The following CELF4 variants were observed in gnomAD, a reference collection of about 807,000 sequenced individuals.
CELF4 encodes CUGBP Elav-like family member 4, also known as CUG-BP- and ETR-3-like factor 4.
A neutral mutation model predicts 59.9 loss-of-function variants in CELF4; 18 were observed. The ratio of observed to expected loss-of-function variants is 0.30; its 90% CI spans 0.21 to 0.45. CELF4 has a LOEUF of 0.45. Among genes scored for constraint, CELF4 ranks in the 20% least tolerant of loss-of-function variants. CELF4 has a pLI of 1.00. For missense variants in CELF4, 456 were observed against 689.0 expected, an observed-to-expected ratio of 0.66 and a Z score of 3.79; for synonymous variants, 261 against 267.1, an observed-to-expected ratio of 0.98 and a Z score of 0.22.
chr18:37,291,357 T>A (rs757105418), intron 3 of CELF4, among the ~76,000 whole-genome samples: 11 of 152,194 alleles, frequency 7.2e-5, no homozygotes, highest in Non-Finnish European at 1.3e-4. Context: ...CTGTAACCCA[T>A]GTACTCAAGA....
At chr18:37,270,235 G>A (rs1451762418) in intron 8 of CELF4, among the ~76,000 whole-genome samples, 2 of 152,228 alleles carry the variant, frequency 1.3e-5, no homozygotes, top group East Asian at 3.8e-4. Flanking sequence ...GCTGTCTGTG[G>A]TGCTGACCTG....
At chr18:37,484,273 G>T (rs1439237714) in intron 2 of CELF4, among the ~76,000 whole-genome samples, 2 of 152,136 alleles carry the variant, frequency 1.3e-5, no homozygotes, top group African/African-American at 4.8e-5. Flanking sequence ...ATGGCTTTAT[G>T]CTTCACACAT....
At chr18:37,546,013 T>A (rs1457874580) in intron 1 of CELF4, among the ~76,000 whole-genome samples, 1 of 152,116 alleles carries the variant, frequency 6.6e-6, no homozygotes, top group East Asian at 1.9e-4. Context: ...TCTCCCCACA[T>A]ACTTTTCCCA....
At chr18:37,504,066 C>T (rs141285810) in intron 1 of CELF4, among the ~76,000 whole-genome samples, 489 of 152,274 alleles carry the variant, frequency 3.2e-3, no homozygotes, top group African/African-American at 0.011. Flanking sequence ...AAATCATGAA[C>T]GTGGGTTTTA....
In CELF4 at chr18:37,562,739, G is replaced by A. The variant is rs558195045; in HGVS notation, c.286+2617C>T. On this transcript the variant is annotated intron_variant, in intron 1 of 12. Transcript: ENST00000420428. ...AAATCAGGCTCCATCACCGAAGAAG[G>A]AGTTTAAACTCTTCTAGGACTGAAT... 1.2e-3 allele frequency among the ~76,000 whole-genome samples: 184 copies of A among 152,198 alleles called. 1 individual carries two copies. The highest frequency in any genetic ancestry group is 2.1e-3 in the Non-Finnish European group (141 of 68,042).
intron 2 of CELF4, among the ~76,000 whole-genome samples, chr18:37,365,154 G>A (rs1470014147): frequency 2.6e-5 from 4 of 152,058 alleles, no homozygotes; most frequent in Non-Finnish European, 5.9e-5. Context: ...GGGAGAGGAA[G>A]AGTAAGGCTA....
chr18:37,443,746 G>A (rs1420561267), intron 2 of CELF4, among the ~76,000 whole-genome samples: 6 of 152,106 alleles, frequency 3.9e-5, no homozygotes, highest in African/African-American at 1.2e-4. Flanking sequence ...GCTGGGGGTG[G>A]TCACTGACAT....
chr18:37,388,600 A>G (rs2099124344), intron 2 of CELF4, among the ~76,000 whole-genome samples: 1 of 152,126 alleles, frequency 6.6e-6, no homozygotes, highest in South Asian at 2.1e-4. Flanking sequence ...AGCTCAAGAC[A>G]GCAGCAAACA....
At chr18:37,565,090 C>T (rs1372013925) in intron 1 of CELF4, among the ~76,000 whole-genome samples, 1 of 151,978 alleles carries the variant, frequency 6.6e-6, no homozygotes, top group Non-Finnish European at 1.5e-5. Context: ...TCTCCTCGAT[C>T]CCCTCTCTCT....
chr18:37,379,507 C>CAAA (rs56250210), intron 2 of CELF4, among the ~76,000 whole-genome samples: 2,775 of 45,534 alleles, frequency 0.061, 277 homozygotes, highest in African/African-American at 0.095. Context: ...AGGCCATAAG[C>CAAA]AAAAAAAAAA....
intron 1 of CELF4, among the ~76,000 whole-genome samples, chr18:37,503,699 TCA>T (rs1305831540): frequency 6.6e-6 from 1 of 152,208 alleles, no homozygotes; most frequent in East Asian, 1.9e-4. Flanking sequence ...TCTCTGGGTC[TCA>T]GTTTTCCCTT....
intron 2 of CELF4, among the ~76,000 whole-genome samples, chr18:37,340,237 C>T (rs1397663635): frequency 2.0e-5 from 3 of 152,240 alleles, no homozygotes; most frequent in African/African-American, 7.2e-5. Context: ...CTCAGAAATG[C>T]CACGTTAAGT....
At chr18:37,344,742 G>A (rs896289709) in intron 2 of CELF4, among the ~76,000 whole-genome samples, 32 of 152,328 alleles carry the variant, frequency 2.1e-4, no homozygotes, top group African/African-American at 7.5e-4. Flanking sequence ...GCATGCAGAC[G>A]CTCGTGAACC....
At chr18:37,447,105 A>G (rs868781482) in intron 2 of CELF4, among the ~76,000 whole-genome samples, 1 of 152,246 alleles carries the variant, frequency 6.6e-6, no homozygotes, top group Non-Finnish European at 1.5e-5. Context: ...AAAGAAAAAA[A>G]AAATAATCCG....
intron 10 of CELF4, among the ~76,000 whole-genome samples, chr18:37,261,645 C>T (rs1356297494): frequency 6.6e-6 from 1 of 152,250 alleles, no homozygotes; most frequent in Non-Finnish European, 1.5e-5. Flanking sequence ...CAATGTGGTC[C>T]AGCCCAGCCT....
chr18:37,500,753 C>T (rs2099930832), intron 1 of CELF4, among the ~76,000 whole-genome samples: 1 of 152,052 alleles, frequency 6.6e-6, no homozygotes, highest in Non-Finnish European at 1.5e-5. Context: ...CCAGGATGGT[C>T]TTGATCTGCT....
intron 2 of CELF4, among the ~76,000 whole-genome samples, chr18:37,354,989 G>C (rs1238003000): frequency 6.6e-6 from 1 of 152,234 alleles, no homozygotes; most frequent in East Asian, 1.9e-4. Context: ...ATTGAGAGCA[G>C]GGCTCTGAGG....
In CELF4 at chr18:37,545,094, G is replaced by A. The variant is rs377395822; in HGVS notation, c.286+20262C>T. Among the ~76,000 whole-genome samples the A allele has an allele frequency of 2.0e-5, 3 of 152,240 alleles. No individual in the cohort carries two copies. The East Asian group carries it at 5.8e-4, about 29-fold the overall frequency. On this transcript the variant is annotated intron_variant, in intron 1 of 12. Coordinates refer to ENST00000420428, the MANE Select transcript of CELF4 (RefSeq NM_020180.4). ...TGATACATGTGTTCTGGGAGAGGCT[G>A]GGAAGGGTCAGGGTCTGGCCTCAGC...
At chr18:37,409,814 G>T (rs1482285755) in intron 2 of CELF4, among the ~76,000 whole-genome samples, 1 of 152,150 alleles carries the variant, frequency 6.6e-6, no homozygotes. Flanking sequence ...CTTGCTTTAG[G>T]TTTCATGCTT....
Sources: allele counts gnomAD v4.1 joint callset (sites outside exome capture counted in the v4.1 genomes callset), GRCh38; gene constraint gnomAD v4.1.1; transcripts MANE v1.5; gene names NCBI Gene and HGNC (gene_info 2026-07-23, HGNC 2026-07-21).